The following TECPR2 variants were observed in gnomAD, a reference collection of about 807,000 sequenced individuals.
TECPR2 encodes the protein tectonin beta-propeller repeat containing 2.
TECPR2 carries 65 observed loss-of-function variants against 138.1 expected under a neutral mutation model. That is an observed-to-expected ratio of 0.47 (90% CI 0.39 to 0.58). The LOEUF (loss-of-function observed/expected upper bound fraction) is 0.58. Among genes scored for constraint, TECPR2 ranks in the 20% least tolerant of loss-of-function variants. The pLI is 0.00. For synonymous variants in TECPR2, 746 were observed against 749.8 expected, an observed-to-expected ratio of 0.99 and a Z score of 0.08; for missense variants, 1,553 against 1,824.5, an observed-to-expected ratio of 0.85 and a Z score of 2.71.
At chr14:102,439,018 C>T (rs1319773010) in intron 10 of TECPR2, among the ~76,000 whole-genome samples, 4 of 152,122 alleles carry the variant, frequency 2.6e-5, no homozygotes, top group Admixed American at 1.3e-4. Flanking sequence ...CCCGCCACCA[C>T]GCCCAGCTAA....
chr14:102,422,701 G>C (rs776364602), intron 5 of TECPR2, among the ~76,000 whole-genome samples: 3 of 152,212 alleles, frequency 2.0e-5, no homozygotes, highest in Non-Finnish European at 4.4e-5. Flanking sequence ...GCAGTCCAGT[G>C]GTTCCATCTG....
Position 102,492,775 on chromosome 14 carries a change from G to A in TECPR2, c.3790-4204G>A, listed in dbSNP as rs563664255. Among the ~76,000 whole-genome samples the A allele has an allele frequency of 3.2e-3, 489 of 152,348 alleles. 4 individuals are homozygous for A. Among genetic ancestry groups the A allele is most frequent in the African/African-American group, 0.011 (466 of 41,584 alleles). Reference sequence around the variant, plus strand: ...AACGCGTGAGGGGGCGTGTGTGTCCGGAAGGGACGACTGGCAAGGCCAGGG... The same window carrying A: ...AACGCGTGAGGGGGCGTGTGTGTCCAGAAGGGACGACTGGCAAGGCCAGGG... On this transcript the variant is annotated intron_variant, in intron 17 of 19. Transcript: ENST00000359520.
At chr14:102,431,246 T>C (rs1357652529) in intron 7 of TECPR2, among the ~76,000 whole-genome samples, 2 of 151,480 alleles carry the variant, frequency 1.3e-5, no homozygotes, top group East Asian at 3.9e-4. Context: ...AAGAAAGCTA[T>C]GGCAAATTAT....
intron 10 of TECPR2, among the ~76,000 whole-genome samples, chr14:102,439,362 C>T (rs538830188): frequency 1.3e-5 from 2 of 152,166 alleles, no homozygotes; most frequent in Non-Finnish European, 2.9e-5. Context: ...TTAATTCTCC[C>T]TGGTCTCTGT....
chr14:102,498,022 C>CGCCCAAGCTCCCAGCTACATCTGT, intron 19 of TECPR2, 81 bp from the exon 20 acceptor site: 3 of 1,510,184 alleles, frequency 2.0e-6, no homozygotes, highest in African/African-American at 1.4e-5. Context: ...CCCAGACCTG[C>CGCCCAAGCTCCCAGCTACATCTGT]GCCCAAGCTC....
At chr14:102,388,763 C>T (rs1383261436) in intron 2 of TECPR2, among the ~76,000 whole-genome samples, 1 of 151,732 alleles carries the variant, frequency 6.6e-6, no homozygotes, top group Non-Finnish European at 1.5e-5. Context: ...GAGATGGAGG[C>T]CATTGGGCTA....
At chr14:102,476,951 G>T (rs893006518) in intron 17 of TECPR2, among the ~76,000 whole-genome samples, 31 of 152,176 alleles carry the variant, frequency 2.0e-4, no homozygotes, top group African/African-American at 7.0e-4. Context: ...GCTGAGGTGG[G>T]AGGATCCCTT....
intron 5 of TECPR2, among the ~76,000 whole-genome samples, chr14:102,417,096 T>C (rs899619427): frequency 9.9e-5 from 15 of 152,230 alleles, no homozygotes; most frequent in South Asian, 2.1e-4. Context: ...GTCAAGTCTT[T>C]AGGGAACATT....
chr14:102,421,376 C>T (rs1889177363), intron 5 of TECPR2, among the ~76,000 whole-genome samples: 1 of 152,222 alleles, frequency 6.6e-6, no homozygotes, highest in African/African-American at 2.4e-5. Context: ...TTGGTTCGTC[C>T]TAACGATCAT....
At chr14:102,422,515 C>A (rs1889212919) in intron 5 of TECPR2, among the ~76,000 whole-genome samples, 1 of 152,064 alleles carries the variant, frequency 6.6e-6, no homozygotes, top group Non-Finnish European at 1.5e-5. Context: ...TTCTTTTTAT[C>A]AAGAAGGATA....
At chr14:102,398,808 T>G (rs769620865) in intron 2 of TECPR2, among the ~76,000 whole-genome samples, 2 of 152,100 alleles carry the variant, frequency 1.3e-5, no homozygotes, top group African/African-American at 4.8e-5. Context: ...TGAGCTATGA[T>G]TGAGGCACTG....
Position 102,376,778 on chromosome 14 carries a change from C to G in TECPR2, c.57C>G (p.Leu19=), listed in dbSNP as rs760381261. The G allele has an allele frequency of 1.2e-6, 2 of 1,614,164 alleles. No homozygotes were observed. The highest frequency in any genetic ancestry group is 1.7e-6 in the Non-Finnish European group (2 of 1,179,994). ...TFREFCPLYY[L]LNAIPTKIQK... ...GAGAGTTCTGCCCGTTGTACTATCTCCTCAATGCCATTCCGACAAAGATCC... is the reference window on the plus strand; with the variant it reads ...GAGAGTTCTGCCCGTTGTACTATCTGCTCAATGCCATTCCGACAAAGATCC... The change falls in exon 2 of 20, where the codon CTC becomes CTG. Residue 19 remains leucine, a synonymous_variant. Coordinates refer to ENST00000359520, the MANE Select transcript of TECPR2 (RefSeq NM_014844.5).
intron 1 of TECPR2, among the ~76,000 whole-genome samples, chr14:102,374,914 C>T (rs952925021): frequency 7.2e-5 from 11 of 152,226 alleles, no homozygotes; most frequent in Middle Eastern, 3.4e-3. Context: ...TTTCTCCCTG[C>T]GGGGGGAAGA....
intron 1 of TECPR2, among the ~76,000 whole-genome samples, chr14:102,367,403 A>G (rs1450398388): frequency 6.6e-6 from 1 of 152,186 alleles, no homozygotes; most frequent in African/African-American, 2.4e-5. Flanking sequence ...CCCTTCAGCA[A>G]TACACCCTAA....
chr14:102,490,525 T>C (rs150663744), intron 17 of TECPR2, among the ~76,000 whole-genome samples: 2 of 152,308 alleles, frequency 1.3e-5, no homozygotes, highest in Non-Finnish European at 2.9e-5. Flanking sequence ...TGTTGAAACC[T>C]CGGTGTATTT....
chr14:102,400,048 C>CTT (rs992365072), intron 2 of TECPR2, among the ~76,000 whole-genome samples: 1 of 83,378 alleles, frequency 1.2e-5, no homozygotes, highest in African/African-American at 4.2e-5. Context: ...CTTTTCTTTT[C>CTT]TTTTTTTTTT....
At chr14:102,446,156 T>A (rs1034331229) in intron 13 of TECPR2, among the ~76,000 whole-genome samples, 1 of 152,078 alleles carries the variant, frequency 6.6e-6, no homozygotes, top group South Asian at 2.1e-4. Flanking sequence ...AGTCTTGACT[T>A]CCTGGGCTCA....
chr14:102,403,590 CTGTT>C (rs1326539959), intron 2 of TECPR2, among the ~76,000 whole-genome samples: 1 of 152,160 alleles, frequency 6.6e-6, no homozygotes. Flanking sequence ...AAAAGTATCT[CTGTT>C]TGCAGATGAC....
At position 102,443,572 on chromosome 14, in the gene TECPR2, G is replaced by A. The variant is rs1889891319; in HGVS notation, c.2753-75G>A. The stretch of plus-strand genomic sequence containing the variant: ...CAAAATACCAAAAAAGGAAAAATAA[G>A]CCAATAACCAAGTCAAAATGAGGTG... On this transcript the variant is annotated intron_variant, in intron 11 of 19. Transcript: ENST00000359520. This position sits in a 1 kb window ranked among gnomAD's most constrained non-coding sequence, Gnocchi z 4.9. The A allele has an allele frequency of 1.1e-5, 14 of 1,325,192 alleles. No homozygotes were observed. The highest frequency in any genetic ancestry group is 5.9e-5 in the African/African-American group (4 of 68,262). The allele number at this position is 1,325,192 out of a possible 1,614,324, so 82.1% of individuals were successfully genotyped here. A position where few individuals can be genotyped will look rare whatever the true frequency, so the allele number is the denominator to read the frequency against.
Sources: allele counts gnomAD v4.1 joint callset (sites outside exome capture counted in the v4.1 genomes callset), GRCh38; gene constraint gnomAD v4.1.1; non-coding constraint Gnocchi (gnomAD v3.1); transcripts MANE v1.5; gene names NCBI Gene and HGNC (gene_info 2026-07-23, HGNC 2026-07-21).